Variants in PPM1H observed in about 807,000 individuals in gnomAD.
PPM1H encodes protein phosphatase, Mg2+/Mn2+ dependent 1H.
A neutral mutation model predicts 54.9 loss-of-function variants in PPM1H; 27 were observed. The observed-to-expected ratio is 0.49, with a 90% CI of 0.36 to 0.68. The LOEUF is 0.68. Among genes scored for constraint, PPM1H ranks in the 30% least tolerant of loss-of-function variants. PPM1H has a pLI of 0.00. For missense variants in PPM1H, 596 were observed against 667.8 expected (o/e 0.89, Z 1.19); for synonymous variants, 305 against 270.8 (o/e 1.13, Z -1.24).
intron 2 of PPM1H, among the ~76,000 whole-genome samples, chr12:62,815,096 GAC>G (rs1056174731): frequency 6.6e-6 from 1 of 152,126 alleles, no homozygotes; most frequent in African/African-American, 2.4e-5. Flanking sequence ...ACATTTGAGT[GAC>G]TTCATGAAAG....
intron 4 of PPM1H, among the ~76,000 whole-genome samples, chr12:62,752,636 T>C (rs2076448440): frequency 6.6e-6 from 1 of 152,162 alleles, no homozygotes; most frequent in Admixed American, 6.5e-5. Context: ...TTTAATTTTA[T>C]TGTGACAAAG....
intron 4 of PPM1H, among the ~76,000 whole-genome samples, chr12:62,744,888 G>A (rs1042050149): frequency 5.3e-5 from 8 of 152,166 alleles, no homozygotes; most frequent in South Asian, 4.2e-4. Context: ...TACAACCCTC[G>A]GTCCACAAAA....
At chr12:62,853,637 G>T (rs1413718453) in intron 1 of PPM1H, among the ~76,000 whole-genome samples, 1 of 152,078 alleles carries the variant, frequency 6.6e-6, no homozygotes, top group Admixed American at 6.6e-5. Context: ...TCATCCAAAG[G>T]CCAACACTGC....
intron 1 of PPM1H, among the ~76,000 whole-genome samples, chr12:62,918,111 G>A (rs544973871): frequency 6.6e-6 from 1 of 152,290 alleles, no homozygotes; most frequent in South Asian, 2.1e-4. Flanking sequence ...GGGCTAAGTC[G>A]ATGACCTAAC....
chr12:62,737,047 A>G (rs533884700), intron 5 of PPM1H, among the ~76,000 whole-genome samples: 1 of 152,280 alleles, frequency 6.6e-6, no homozygotes, highest in South Asian at 2.1e-4. Flanking sequence ...ATATCTGAGC[A>G]TGAAGTAGTG....
intron 6 of PPM1H, among the ~76,000 whole-genome samples, chr12:62,707,124 A>C (rs1387992938): frequency 6.6e-6 from 1 of 152,220 alleles, no homozygotes; most frequent in East Asian, 1.9e-4. Flanking sequence ...CATTTACTGA[A>C]GATGAGCAGG....
chr12:62,865,182 T>A (rs186864862), intron 1 of PPM1H, among the ~76,000 whole-genome samples: 9 of 152,160 alleles, frequency 5.9e-5, no homozygotes, highest in African/African-American at 1.7e-4. Context: ...CCTAAGAAGG[T>A]GTCCTTTCAT....
chr12:62,836,997 C>G (rs1868521536), intron 1 of PPM1H, among the ~76,000 whole-genome samples: 1 of 152,106 alleles, frequency 6.6e-6, no homozygotes, highest in Non-Finnish European at 1.5e-5. Context: ...GAAATTATAA[C>G]CTAAATCTCA....
chr12:62,755,219 A>G, intron 4 of PPM1H: 1 of 682,644 alleles, frequency 1.5e-6, no homozygotes, highest in South Asian at 1.4e-5. Flanking sequence ...CATCCCTGAG[A>G]CACTACGGTG....
chr12:62,887,950 A>G (rs1045325434), intron 1 of PPM1H, among the ~76,000 whole-genome samples: 1 of 152,180 alleles, frequency 6.6e-6, no homozygotes, highest in African/African-American at 2.4e-5. Flanking sequence ...AATGCTCCTC[A>G]AGGTGGTCAA....
rs550306843 is a variant in PPM1H, at chr12:62,846,248, C to G, written c.246-13969G>C. ...GTGCGGTGGCTCACGCCTGTAATCC[C>G]AGCACTTTGGGAGGCCAAGGCAGGC... On this transcript the variant is annotated intron_variant, in intron 1 of 9. Transcript: ENST00000228705. Among the ~76,000 whole-genome samples, 71 of 152,252 alleles carry G rather than the reference C, an allele frequency of 4.7e-4. 1 individual carries two copies. Among genetic ancestry groups the G allele is most frequent in the African/African-American group, 1.6e-3 (66 of 41,554 alleles).
intron 9 of PPM1H, among the ~76,000 whole-genome samples, chr12:62,658,493 A>C (rs922809935): frequency 4.6e-5 from 7 of 151,986 alleles, no homozygotes; most frequent in Non-Finnish European, 7.4e-5. Context: ...CCCCCACTGA[A>C]CCTCCAGCCT....
At chr12:62,889,919 G>T (rs1411840357) in intron 1 of PPM1H, among the ~76,000 whole-genome samples, 1 of 152,168 alleles carries the variant, frequency 6.6e-6, no homozygotes, top group Non-Finnish European at 1.5e-5. Flanking sequence ...AGAAATAATT[G>T]ATAAGCTAGA....
In PPM1H at chr12:62,851,906, A is replaced by G. The variant is rs528615229; in HGVS notation, c.246-19627T>C. On this transcript the variant is annotated intron_variant, in intron 1 of 9. Transcript: ENST00000228705. The stretch of plus-strand genomic sequence containing the variant: ...TCTCTGCCAAAATTCATATGTTGAA[A>G]TCCTAACCCCTAATAGGATGCTGTT... Among the ~76,000 whole-genome samples the G allele has an allele frequency of 7.2e-5, 11 of 152,036 alleles. No individual in the cohort carries two copies. The South Asian group carries it at 2.3e-3, about 32-fold the overall frequency.
chr12:62,903,760 T>C (rs1216983241), intron 1 of PPM1H, among the ~76,000 whole-genome samples: 10 of 152,168 alleles, frequency 6.6e-5, no homozygotes, highest in African/African-American at 2.4e-4. Context: ...TCTAAAAGAA[T>C]TGAACATTTC....
intron 4 of PPM1H, among the ~76,000 whole-genome samples, chr12:62,740,031 C>T (rs78660604): frequency 0.1 from 15,171 of 152,140 alleles, 949 homozygotes; most frequent in East Asian, 0.24. Flanking sequence ...GATCTCTGCC[C>T]ATAGAACAAA....
At chr12:62,759,096 G>T (rs2076491677) in intron 4 of PPM1H, among the ~76,000 whole-genome samples, 1 of 152,138 alleles carries the variant, frequency 6.6e-6, no homozygotes, top group East Asian at 1.9e-4. Context: ...ACCACCCTTT[G>T]CTGACTCTCT....
chr12:62,896,866 A>G (rs1871006847), intron 1 of PPM1H, among the ~76,000 whole-genome samples: 1 of 152,170 alleles, frequency 6.6e-6, no homozygotes, highest in South Asian at 2.1e-4. Context: ...TCCATCAATG[A>G]TAGACTGGAT....
intron 2 of PPM1H, 115 bp downstream of exon 2, chr12:62,831,999 G>A (rs1360314420): frequency 7.9e-7 from 1 of 1,271,884 alleles, no homozygotes. Context: ...TAACTCTGGG[G>A]ACACTGCTTT....
Sources: gnomAD v4.1 joint callset for allele counts (sites outside exome capture counted in the v4.1 genomes callset) on GRCh38, gnomAD v4.1.1 for gene constraint, MANE v1.5 for transcripts, NCBI Gene and HGNC (gene_info 2026-07-23, HGNC 2026-07-21) for gene names.